Variants in CYP19A1 observed in about 807,000 individuals in gnomAD.
CYP19A1 encodes cytochrome P450 family 19 subfamily A member 1.
In CYP19A1, 32 loss-of-function variants were observed where a neutral mutation model predicts 44.4. That is an observed-to-expected ratio of 0.72 (90% CI 0.54 to 0.97). The LOEUF (loss-of-function observed/expected upper bound fraction) is 0.97. Among genes scored for constraint, CYP19A1 ranks in the 50% least tolerant of loss-of-function variants. The pLI is 0.00. For missense variants in CYP19A1, 598 were observed against 637.8 expected, an observed-to-expected ratio of 0.94 and a Z score of 0.67; for synonymous variants, 212 against 215.6, an observed-to-expected ratio of 0.98 and a Z score of 0.14.
chr15:51,292,017 GTCAGTCAC>G (rs1316524098), intron 1 of CYP19A1, among the ~76,000 whole-genome samples: 1 of 152,240 alleles, frequency 6.6e-6, no homozygotes, highest in Non-Finnish European at 1.5e-5. Flanking sequence ...CCTCTCGTCA[GTCAGTCAC>G]TCAGTCAGTC....
intron 1 of CYP19A1, among the ~76,000 whole-genome samples, chr15:51,303,548 G>C (rs1196785072): frequency 6.6e-6 from 1 of 151,470 alleles, no homozygotes; most frequent in Non-Finnish European, 1.5e-5. Context: ...AGGAGATGTA[G>C]GTGGGTTTTT....
chr15:51,256,530 C>T (rs1022280606), intron 1 of CYP19A1, among the ~76,000 whole-genome samples: 9 of 152,020 alleles, frequency 5.9e-5, no homozygotes, highest in Non-Finnish European at 1.2e-4. Flanking sequence ...CTGGGGTCAC[C>T]GCTAAACATT....
chr15:51,211,936 A>G (rs1342679454), intron 9 of CYP19A1, among the ~76,000 whole-genome samples: 1 of 148,986 alleles, frequency 6.7e-6, no homozygotes, highest in Non-Finnish European at 1.5e-5. Context: ...CTGAAGCAGT[A>G]GTGGACTTTC....
At chr15:51,222,057 C>G (rs1250432370) in intron 5 of CYP19A1, 4 of 565,142 alleles carry the variant, frequency 7.1e-6, no homozygotes, top group Non-Finnish European at 1.2e-5. Context: ...ATGTTAATAA[C>G]CAAACGAACT....
chr15:51,309,066 G>C (rs1344988742), intron 1 of CYP19A1, among the ~76,000 whole-genome samples: 1 of 152,172 alleles, frequency 6.6e-6, no homozygotes, highest in Non-Finnish European at 1.5e-5. Context: ...CTGAGTGTTT[G>C]TGTTCCCCCA....
At chr15:51,266,302 G>C (rs2140944104) in intron 1 of CYP19A1, among the ~76,000 whole-genome samples, 1 of 152,354 alleles carries the variant, frequency 6.6e-6, no homozygotes, top group East Asian at 1.9e-4. Context: ...AGCATCCTAA[G>C]AGGTTAAACT....
intron 4 of CYP19A1, among the ~76,000 whole-genome samples, chr15:51,223,420 T>C (rs1004273023): frequency 6.6e-6 from 1 of 152,132 alleles, no homozygotes; most frequent in African/African-American, 2.4e-5. Context: ...GTGTTACGTT[T>C]CTTTAAGCAT....
chr15:51,312,896 C>G (rs958054081), intron 1 of CYP19A1: 2 of 152,280 alleles, frequency 1.3e-5, no homozygotes, highest in Non-Finnish European at 2.9e-5. Flanking sequence ...CTCAAGCAGA[C>G]TTGGGGATGG....
At chr15:51,231,599 G>T (rs898294027) in intron 3 of CYP19A1, among the ~76,000 whole-genome samples, 1 of 151,556 alleles carries the variant, frequency 6.6e-6, no homozygotes, top group East Asian at 2.0e-4. Flanking sequence ...GAAGTGGGCT[G>T]GGAAAAAAAG....
intron 1 of CYP19A1, among the ~76,000 whole-genome samples, chr15:51,305,973 G>A (rs772374847): frequency 1.7e-4 from 26 of 152,172 alleles, no homozygotes; most frequent in African/African-American, 6.0e-4. Context: ...CATCTGGGGC[G>A]CTATGAGAAG....
intron 1 of CYP19A1, among the ~76,000 whole-genome samples, chr15:51,264,304 A>G (rs2034838046): frequency 6.6e-6 from 1 of 152,192 alleles, no homozygotes; most frequent in Non-Finnish European, 1.5e-5. Context: ...TGCAGTCATC[A>G]TGGAACTGGG....
At position 51,241,459 on chromosome 15, in the gene CYP19A1, C is replaced by T. The variant is rs561059646; in HGVS notation, c.145+1309G>A. Among the ~76,000 whole-genome samples the T allele has an allele frequency of 3.3e-5, 5 of 152,320 alleles. 1 individual carries two copies. In the South Asian group the frequency reaches 1.0e-3, roughly 32 times the overall value. ...GCTGCGTGGGCAATGCTGGACTCTC[C>T]TGGCCTGATTGTCTGCTAACACAGA... On this transcript the variant is annotated intron_variant, in intron 2 of 9. Coordinates refer to ENST00000396402, the MANE Select transcript of CYP19A1 (RefSeq NM_000103.4).
chr15:51,238,537 G>C (rs1021870938), intron 2 of CYP19A1, among the ~76,000 whole-genome samples: 1 of 152,246 alleles, frequency 6.6e-6, no homozygotes, highest in Non-Finnish European at 1.5e-5. Flanking sequence ...TGCCCAGGCT[G>C]TAGTGCAGGG....
intron 1 of CYP19A1, among the ~76,000 whole-genome samples, chr15:51,261,824 A>G (rs1284083534): frequency 6.6e-6 from 1 of 152,160 alleles, no homozygotes; most frequent in Non-Finnish European, 1.5e-5. Flanking sequence ...GTGAGGGCCC[A>G]TTGGAGAGGC....
chr15:51,293,510 T>C (rs908424091), intron 1 of CYP19A1: 1 of 152,290 alleles, frequency 6.6e-6, no homozygotes, highest in African/African-American at 2.4e-5. Flanking sequence ...CTTTAATTCC[T>C]TGATGCCAAA....
At chr15:51,301,568 C>T (rs996411911) in intron 1 of CYP19A1, among the ~76,000 whole-genome samples, 1 of 152,216 alleles carries the variant, frequency 6.6e-6, no homozygotes, top group Non-Finnish European at 1.5e-5. Context: ...TGGGCTGACC[C>T]CCCGCGTGCC....
chr15:51,289,462 G>A (rs536501535), intron 1 of CYP19A1, among the ~76,000 whole-genome samples: 1 of 152,218 alleles, frequency 6.6e-6, no homozygotes, highest in African/African-American at 2.4e-5. Context: ...CTCACCCACA[G>A]GGACGTGAAC....
chr15:51,300,044 C>T (rs539744658), intron 1 of CYP19A1, among the ~76,000 whole-genome samples: 3 of 152,320 alleles, frequency 2.0e-5, no homozygotes, highest in South Asian at 2.1e-4. Flanking sequence ...AAGAGTGAAA[C>T]GGCAACCGGT....
chr15:51,327,492 CTTT>C (rs749237607), intron 1 of CYP19A1, among the ~76,000 whole-genome samples: 6 of 143,726 alleles, frequency 4.2e-5, no homozygotes, highest in Non-Finnish European at 9.2e-5. Flanking sequence ...TGACATTGTT[CTTT>C]TTTTTTTTTT....
Sources: allele counts gnomAD v4.1 joint callset (sites outside exome capture counted in the v4.1 genomes callset), GRCh38; gene constraint gnomAD v4.1.1; transcripts MANE v1.5; gene names NCBI Gene and HGNC (gene_info 2026-07-23, HGNC 2026-07-21).